Variants in YARS1 observed in about 807,000 individuals in gnomAD.
YARS1 encodes tyrosyl-tRNA synthetase 1, also known as tyrosine--tRNA ligase, cytoplasmic.
A neutral mutation model predicts 62.2 loss-of-function variants in YARS1; 36 were observed. That is an observed-to-expected ratio of 0.58 (90% CI 0.44 to 0.76). The LOEUF (loss-of-function observed/expected upper bound fraction) is 0.76, where lower values mean the gene tolerates loss of function less well. Ranked by LOEUF, YARS1 falls within the 30% of genes least tolerant of loss-of-function variation. The pLI, the probability that YARS1 is intolerant of heterozygous loss-of-function variation, is 0.00. For synonymous variants in YARS1, 234 were observed against 244.9 expected (o/e 0.96, Z 0.42); for missense variants, 524 against 639.8 (o/e 0.82, Z 1.95).
intron 8 of YARS1, among the ~76,000 whole-genome samples, chr1:32,784,405 ATTATCACATC>A (rs1187746660): frequency 6.6e-6 from 1 of 151,972 alleles, no homozygotes; most frequent in Non-Finnish European, 1.5e-5. Flanking sequence ...TATATATGGT[ATTATCACATC>A]TTCCCTTTGT....
At chr1:32,789,890 CTT>C (rs1042712076) in intron 6 of YARS1, among the ~76,000 whole-genome samples, 1 of 127,374 alleles carries the variant, frequency 7.9e-6, no homozygotes, top group African/African-American at 3.0e-5. Flanking sequence ...GTGCCTGGCC[CTT>C]TTTTTTTTGA....
chr1:32,802,688 G>T (rs1345862571), intron 4 of YARS1, among the ~76,000 whole-genome samples: 3 of 152,166 alleles, frequency 2.0e-5, no homozygotes, highest in Non-Finnish European at 4.4e-5. Context: ...GTTTTGAAAA[G>T]AATCTTTCTT....
chr1:32,804,045 A>C (rs1327069623), intron 4 of YARS1, among the ~76,000 whole-genome samples: 1 of 152,194 alleles, frequency 6.6e-6, no homozygotes, highest in Non-Finnish European at 1.5e-5. Context: ...TTCAGAGAGC[A>C]CGGGGTTGGG....
At chr1:32,809,879 G>C (rs932894596) in intron 3 of YARS1, among the ~76,000 whole-genome samples, 1 of 152,166 alleles carries the variant, frequency 6.6e-6, no homozygotes, top group Non-Finnish European at 1.5e-5. Flanking sequence ...ACCGAGGTGG[G>C]CGGATCACCT....
chr1:32,781,257 G>C (rs1445121620), intron 9 of YARS1, 112 bp from the exon 10 acceptor site: 1 of 889,920 alleles, frequency 1.1e-6, no homozygotes, highest in East Asian at 2.5e-5. Context: ...AGAATCCCCA[G>C]AGTCTAAACA....
At chr1:32,802,016 C>T (rs1427068213) in intron 4 of YARS1, among the ~76,000 whole-genome samples, 7 of 139,284 alleles carry the variant, frequency 5.0e-5, no homozygotes, top group African/African-American at 1.3e-4. Flanking sequence ...GGCGGGATCT[C>T]GGCTCACTGC....
chr1:32,803,619 T>G (rs1251580920), intron 4 of YARS1, among the ~76,000 whole-genome samples: 2 of 152,210 alleles, frequency 1.3e-5, no homozygotes, highest in Admixed American at 6.5e-5. Flanking sequence ...GAAAAAAGGC[T>G]ATTTCATCTA....
intron 8 of YARS1, among the ~76,000 whole-genome samples, chr1:32,785,721 T>C (rs1029182716): frequency 6.6e-6 from 1 of 151,756 alleles, no homozygotes; most frequent in African/African-American, 2.4e-5. Flanking sequence ...TAGCTGGGAT[T>C]ACAGGTGCGT....
Position 32,812,841 on chromosome 1 carries a change from G to A in YARS1, c.58-1784C>T, listed in dbSNP as rs575800421. Among the ~76,000 whole-genome samples the A allele has an allele frequency of 8.5e-5, 13 of 152,116 alleles. No individual in the cohort carries two copies. The South Asian group carries it at 2.3e-3, about 27-fold the overall frequency. ...AAATTAGCAGGGCATGGTGGCAGGCGCCTGTAATCCCAGCTACTCGGGAGG... is the reference window on the plus strand; with the variant it reads ...AAATTAGCAGGGCATGGTGGCAGGCACCTGTAATCCCAGCTACTCGGGAGG... On this transcript the variant is annotated intron_variant, in intron 1 of 12. Coordinates refer to ENST00000373477, the MANE Select transcript of YARS1 (RefSeq NM_003680.4).
At chr1:32,807,329 C>CAA (rs1638486703) in intron 3 of YARS1, among the ~76,000 whole-genome samples, 1 of 152,218 alleles carries the variant, frequency 6.6e-6, no homozygotes, top group African/African-American at 2.4e-5. Flanking sequence ...GTCGGGCTTT[C>CAA]AAGTGGCCGG....
chr1:32,780,516 A>C (rs1653018137), intron 10 of YARS1: 1 of 564,750 alleles, frequency 1.8e-6, no homozygotes. Context: ...TTGTGTTAAG[A>C]GGTGGAAGGA....
intron 8 of YARS1, 101 bp from the exon 9 acceptor site, chr1:32,782,640 T>C (rs1653098359): frequency 1.3e-6 from 2 of 1,491,680 alleles, no homozygotes; most frequent in East Asian, 4.6e-5. Context: ...CCAACAGTCT[T>C]ATTTGATCCT....
At chr1:32,796,995 A>AAT (rs869089598) in intron 5 of YARS1, among the ~76,000 whole-genome samples, 20 of 20,554 alleles carry the variant, frequency 9.7e-4, no homozygotes, top group Non-Finnish European at 1.0e-3. Flanking sequence ...AAAAAAAAAA[A>AAT]ATATATATAT....
chr1:32,782,226 T>C, intron 9 of YARS1, 178 bp downstream of exon 9: 1 of 1,020,554 alleles, frequency 9.8e-7, no homozygotes, highest in Non-Finnish European at 1.5e-6. Context: ...CTTCCTGATG[T>C]TAACCAAACC....
At chr1:32,799,883 G>T (rs553197246) in intron 4 of YARS1, among the ~76,000 whole-genome samples, 3 of 152,152 alleles carry the variant, frequency 2.0e-5, no homozygotes, top group African/African-American at 7.2e-5. Flanking sequence ...TGCCTAGGCT[G>T]GTCTTGAACT....
intron 1 of YARS1, among the ~76,000 whole-genome samples, chr1:32,813,109 C>T (rs1638623388): frequency 6.6e-6 from 1 of 152,030 alleles, no homozygotes; most frequent in Non-Finnish European, 1.5e-5. Flanking sequence ...AACCTAGAAC[C>T]CCCACCCCCT....
At position 32,811,007 on chromosome 1, in the gene YARS1, A is replaced by C; in HGVS notation, c.108T>G (p.Leu36=). 1 of 1,614,034 alleles carries C rather than the reference A, an allele frequency of 6.2e-7. No individual in the cohort carries two copies. The highest frequency in any genetic ancestry group is 8.5e-7 in the Non-Finnish European group (1 of 1,180,004). Residue 36 remains leucine (L), a synonymous_variant, in exon 2 of 13, where the codon CTT becomes CTG. Coordinates refer to ENST00000373477, the MANE Select transcript of YARS1 (RefSeq NM_003680.4). Reference sequence around the variant, plus strand: ...TGGTTGCCGTTCCCCAGTAAATTTTAAGTTCCCGCTCCTTCAGTATCTCCT... The same window carrying C: ...TGGTTGCCGTTCCCCAGTAAATTTTCAGTTCCCGCTCCTTCAGTATCTCCT... The part of the protein sequence containing the change: ...KLKEILKERE[L]KIYWGTATTG...
chr1:32,808,477 A>G (rs935603758), intron 3 of YARS1, among the ~76,000 whole-genome samples: 2 of 152,158 alleles, frequency 1.3e-5, no homozygotes, highest in Non-Finnish European at 2.9e-5. Context: ...CTGAGATTAC[A>G]GGCGTGAGCC....
chr1:32,786,853 AAG>A, intron 7 of YARS1, 85 bp downstream of exon 7: 21 of 1,565,368 alleles, frequency 1.3e-5, no homozygotes, highest in Non-Finnish European at 1.8e-5. Context: ...TCCCTGAAGG[AAG>A]AGTCTGTGAC....
Sources: allele counts gnomAD v4.1 joint callset (sites outside exome capture counted in the v4.1 genomes callset), GRCh38; gene constraint gnomAD v4.1.1; transcripts MANE v1.5; gene names NCBI Gene and HGNC (gene_info 2026-07-23, HGNC 2026-07-21).